The following ELL2 variants were observed in gnomAD, a reference collection of about 807,000 sequenced individuals.
The protein encoded by ELL2 is elongation factor for RNA polymerase II 2.
ELL2 carries 21 observed loss-of-function variants against 72.8 expected under a neutral mutation model. That is an observed-to-expected ratio of 0.29 (90% CI 0.20 to 0.42). The LOEUF (loss-of-function observed/expected upper bound fraction) is 0.42, where lower values mean the gene tolerates loss of function less well. ELL2 is among the 10% of genes least tolerant of loss of function. The probability of loss-of-function intolerance (pLI) is 1.00; values close to 1 mark genes in which losing one functional copy is unlikely to be tolerated. For missense variants in ELL2, 568 were observed against 772.8 expected, an observed-to-expected ratio of 0.73 and a Z score of 3.14; for synonymous variants, 266 against 283.2, an observed-to-expected ratio of 0.94 and a Z score of 0.61.
Position 95,923,095 on chromosome 5 carries a change from A to C in ELL2, c.196-3550T>G, listed in dbSNP as rs368450778. On this transcript the variant is annotated intron_variant, in intron 2 of 11. Coordinates refer to ENST00000237853, the MANE Select transcript of ELL2 (RefSeq NM_012081.6). ...GAAATAGGTCATCCCCTTAGAAAAG[A>C]AATCAGAGGCTGGGTGTGGTGACTT... Among the ~76,000 whole-genome samples the C allele has an allele frequency of 5.3e-5, 8 of 152,276 alleles. 1 individual carries two copies. The highest frequency in any genetic ancestry group is 1.9e-4 in the African/African-American group (8 of 41,554).
chr5:95,953,718 T>C (rs1751507122), intron 1 of ELL2, among the ~76,000 whole-genome samples: 1 of 152,080 alleles, frequency 6.6e-6, no homozygotes, highest in South Asian at 2.1e-4. Flanking sequence ...AAAAAAGAAA[T>C]AAAGGAATCA....
intron 1 of ELL2, among the ~76,000 whole-genome samples, chr5:95,953,575 G>A (rs1381779796): frequency 3.3e-5 from 5 of 152,234 alleles, no homozygotes; most frequent in African/African-American, 1.2e-4. Flanking sequence ...ACAGTTGAGT[G>A]AAAAAGTCTT....
rs879045258 is a variant in ELL2 at position 95,886,084 on chromosome 5, C to T, written c.*2787G>A. 6.6e-6 allele frequency: 1 copy of T among 152,082 alleles called. No individual in the cohort carries two copies. Among genetic ancestry groups the T allele is most frequent in the Admixed American group, 6.6e-5 (1 of 15,242 alleles). 9.4% of individuals were successfully genotyped at this position (152,082 alleles called of 1,614,324 possible). A position where few individuals can be genotyped will look rare whatever the true frequency, so the allele number is the denominator to read the frequency against. On this transcript the variant is annotated 3_prime_UTR_variant, in exon 12 of 12. Transcript: ENST00000237853. ...TAGAAAAAACTATACAACTCATTCTCTAATCTTGCTATTTTTCACACCATC... is the reference window on the plus strand; with the variant it reads ...TAGAAAAAACTATACAACTCATTCTTTAATCTTGCTATTTTTCACACCATC...
intron 10 of ELL2, among the ~76,000 whole-genome samples, chr5:95,889,763 T>G (rs1429143765): frequency 2.6e-5 from 4 of 152,192 alleles, no homozygotes; most frequent in Non-Finnish European, 5.9e-5. Flanking sequence ...ATGTTGAAAT[T>G]ACTTGTGTAG....
chr5:95,907,319 A>G (rs1749413909), intron 4 of ELL2, among the ~76,000 whole-genome samples: 2 of 78,546 alleles, frequency 2.5e-5, no homozygotes, highest in Admixed American at 2.3e-4. Flanking sequence ...ACAGGCCAAG[A>G]CAAATTTTAG....
At chr5:95,923,879 T>C (rs1328284092) in intron 2 of ELL2, among the ~76,000 whole-genome samples, 5 of 152,246 alleles carry the variant, frequency 3.3e-5, no homozygotes, top group African/African-American at 1.2e-4. Context: ...ACAAAGTTAA[T>C]TGTATCAATA....
intron 6 of ELL2, 57 bp downstream of exon 6, chr5:95,900,899 T>C (rs1561491983): frequency 6.4e-7 from 1 of 1,570,112 alleles, no homozygotes; most frequent in Non-Finnish European, 8.6e-7. Context: ...AAATAATGAC[T>C]TATTTCCATA....
chr5:95,894,184 G>A (rs1390334591), intron 9 of ELL2, among the ~76,000 whole-genome samples: 2 of 152,202 alleles, frequency 1.3e-5, no homozygotes, highest in Non-Finnish European at 2.9e-5. Context: ...AGGTTGCAGT[G>A]AGCCGAGGTC....
In ELL2 at chr5:95,911,519, T is replaced by C. The variant is rs188178825; in HGVS notation, c.481+2252A>G. Among the ~76,000 whole-genome samples the C allele has an allele frequency of 1.7e-3, 261 of 152,288 alleles. 1 individual carries two copies. Among genetic ancestry groups the C allele is most frequent in the African/African-American group, 6.0e-3 (251 of 41,552 alleles). On this transcript the variant is annotated intron_variant, in intron 4 of 11. Transcript: ENST00000237853. Reference sequence around the variant, plus strand: ...TGCCCAGTTAATTTATTTTTGTATTTTTAGTAGAGACAGGGTTTCACCATG... The same window carrying C: ...TGCCCAGTTAATTTATTTTTGTATTCTTAGTAGAGACAGGGTTTCACCATG...
intron 1 of ELL2, among the ~76,000 whole-genome samples, chr5:95,948,415 G>A (rs1377452365): frequency 4.6e-5 from 5 of 107,662 alleles, no homozygotes; most frequent in Non-Finnish European, 6.7e-5. Context: ...GGGCAACAGA[G>A]CGAGACTCCG....
chr5:95,915,399 T>A (rs556786505), intron 3 of ELL2, among the ~76,000 whole-genome samples: 1 of 152,380 alleles, frequency 6.6e-6, no homozygotes, highest in South Asian at 2.1e-4. Context: ...CGCACCTGGC[T>A]GATAAAATCT....
intron 2 of ELL2, among the ~76,000 whole-genome samples, chr5:95,929,504 G>A (rs1193976783): frequency 3.9e-5 from 6 of 152,026 alleles, no homozygotes; most frequent in Non-Finnish European, 8.8e-5. Context: ...TGATCTGCCC[G>A]CCTTGGCCTT....
At chr5:95,923,082 C>T (rs1211200969) in intron 2 of ELL2, among the ~76,000 whole-genome samples, 1 of 152,016 alleles carries the variant, frequency 6.6e-6, no homozygotes, top group African/African-American at 2.4e-5. Context: ...AATAGGTCAT[C>T]CCCTTAGAAA....
chr5:95,961,706 T>TC lies in ELL2; in HGVS notation c.15dup (p.Thr6AspfsTer68), dbSNP rs755261158. Reference sequence around the variant, plus strand: ...CGCTGCTCCTCCCGCAGGCCCCCTGTCCCCCCCGCCGCCATCTTAAACTCC... The same window carrying TC: ...CGCTGCTCCTCCCGCAGGCCCCCTGTCCCCCCCCGCCGCCATCTTAAACTCC... On this transcript the variant is annotated frameshift_variant, in exon 1 of 12. Transcript: ENST00000237853. LOFTEE classifies it high-confidence loss of function. 14 of 1,589,730 alleles carry TC rather than the reference T, an allele frequency of 8.8e-6. No homozygotes were observed. Among genetic ancestry groups the TC allele is most frequent in the African/African-American group, 2.8e-5 (2 of 72,282 alleles).
chr5:95,897,069 T>C (rs906303148), intron 8 of ELL2, among the ~76,000 whole-genome samples: 2 of 152,224 alleles, frequency 1.3e-5, no homozygotes, highest in Admixed American at 6.5e-5. Context: ...TAGTATTATA[T>C]TGACTGAAAT....
intron 3 of ELL2, among the ~76,000 whole-genome samples, chr5:95,918,914 G>C (rs1749938681): frequency 6.7e-6 from 1 of 148,684 alleles, no homozygotes. Context: ...AAGAAGGAGA[G>C]ACTGCTTTAC....
At position 95,912,481 on chromosome 5, in the gene ELL2, ATGTAAG is replaced by A. The variant is rs374740892; in HGVS notation, c.481+1284_481+1289del. Among the ~76,000 whole-genome samples, 391 of 152,354 alleles carry A rather than the reference ATGTAAG, an allele frequency of 2.6e-3. 1 individual carries two copies. Among genetic ancestry groups the A allele is most frequent in the African/African-American group, 8.4e-3 (349 of 41,582 alleles). ...TAGATCATTCATAGTTTATACTTAA[ATGTAAG>A]TGTGGTAGATCTTGTGTGTTTTAAA... On this transcript the variant is annotated intron_variant, in intron 4 of 11. Transcript: ENST00000237853.
intron 1 of ELL2, among the ~76,000 whole-genome samples, chr5:95,951,886 A>C (rs1751420574): frequency 6.6e-6 from 1 of 152,238 alleles, no homozygotes; most frequent in Non-Finnish European, 1.5e-5. Context: ...CTGATAGATC[A>C]AATATGTCAA....
intron 7 of ELL2, among the ~76,000 whole-genome samples, chr5:95,899,060 A>G (rs747985283): frequency 6.6e-6 from 1 of 152,232 alleles, no homozygotes; most frequent in Non-Finnish European, 1.5e-5. Flanking sequence ...GTCAAAAAGC[A>G]GAATCTGGCA....
Sources: gnomAD v4.1 joint callset for allele counts (sites outside exome capture counted in the v4.1 genomes callset) on GRCh38, gnomAD v4.1.1 for gene constraint, MANE v1.5 for transcripts, NCBI Gene and HGNC (gene_info 2026-07-23, HGNC 2026-07-21) for gene names.